Variants in ZBTB20 observed in about 807,000 individuals in gnomAD.
ZBTB20 encodes zinc finger and BTB domain-containing protein 20.
Under a neutral mutation model 56.9 loss-of-function variants are expected in ZBTB20, and 9 were observed. That is an observed-to-expected ratio of 0.16 (90% CI 0.10 to 0.28). The LOEUF is 0.28. Ranked by LOEUF, ZBTB20 falls within the 10% of genes least tolerant of loss-of-function variation. The probability of loss-of-function intolerance (pLI) is 1.00; values close to 1 mark genes in which losing one functional copy is unlikely to be tolerated. For synonymous variants in ZBTB20, 417 were observed against 420.7 expected (o/e 0.99, Z 0.11); for missense variants, 655 against 1,003.0 (o/e 0.65, Z 4.69).
At chr3:114,935,717 A>C (rs2076510552) in intron 3 of ZBTB20, among the ~76,000 whole-genome samples, 1 of 152,168 alleles carries the variant, frequency 6.6e-6, no homozygotes, top group African/African-American at 2.4e-5. Flanking sequence ...CTCCATCTTC[A>C]ATCTGGCATA....
At chr3:115,128,753 A>C in intron 1 of ZBTB20, among the ~76,000 whole-genome samples, 1 of 21,206 alleles carries the variant, frequency 4.7e-5, no homozygotes, top group African/African-American at 1.8e-4. Context: ...AGGGGAGGGG[A>C]GGGGAGGGAA....
intron 6 of ZBTB20, among the ~76,000 whole-genome samples, chr3:114,635,712 C>T (rs191458724): frequency 7.9e-5 from 12 of 151,748 alleles, no homozygotes; most frequent in Middle Eastern, 3.4e-3. Flanking sequence ...AAGAAAGAAA[C>T]AGTGAACATA....
intron 2 of ZBTB20, among the ~76,000 whole-genome samples, chr3:114,994,673 C>T (rs185612032): frequency 2.1e-3 from 326 of 152,080 alleles, no homozygotes; most frequent in Non-Finnish European, 4.0e-3. Flanking sequence ...GCCTGTCAGG[C>T]ACTGCACAAC....
intron 2 of ZBTB20, among the ~76,000 whole-genome samples, chr3:115,036,939 T>A (rs2080949716): frequency 6.6e-6 from 1 of 152,142 alleles, no homozygotes; most frequent in South Asian, 2.1e-4. Context: ...CATTCTAAAA[T>A]ATAATTTAGT....
intron 10 of ZBTB20, among the ~76,000 whole-genome samples, chr3:114,378,706 A>G (rs1576472184): frequency 6.6e-6 from 1 of 152,370 alleles, no homozygotes; most frequent in African/African-American, 2.4e-5. Context: ...TCACCACAGG[A>G]ACGGGCTATT....
intron 1 of ZBTB20, among the ~76,000 whole-genome samples, chr3:115,075,479 T>G (rs1188123142): frequency 1.3e-5 from 2 of 152,174 alleles, no homozygotes; most frequent in East Asian, 3.8e-4. Context: ...AAAGACTGAA[T>G]AATATTCCAC....
intron 1 of ZBTB20, among the ~76,000 whole-genome samples, chr3:115,137,584 TA>T (rs1210884217): frequency 6.6e-6 from 1 of 152,060 alleles, no homozygotes; most frequent in Non-Finnish European, 1.5e-5. Flanking sequence ...TTAAAGTACA[TA>T]ATAAAAGTCT....
intron 4 of ZBTB20, among the ~76,000 whole-genome samples, chr3:114,827,465 C>T (rs535661946): frequency 2.0e-5 from 3 of 151,660 alleles, no homozygotes; most frequent in Non-Finnish European, 4.4e-5. Flanking sequence ...TATTTTAACA[C>T]GGTAGGCTGA....
intron 2 of ZBTB20, among the ~76,000 whole-genome samples, chr3:115,028,067 A>C (rs1346852836): frequency 6.6e-6 from 1 of 150,824 alleles, no homozygotes; most frequent in African/African-American, 2.4e-5. Flanking sequence ...ATTTTTCAAG[A>C]ATACATGTAT....
chr3:114,481,555 A>G (rs1221097793), intron 7 of ZBTB20, among the ~76,000 whole-genome samples: 2 of 151,998 alleles, frequency 1.3e-5, no homozygotes, highest in Admixed American at 6.6e-5. Context: ...CCTGACTGTT[A>G]GGCCTTCTCT....
chr3:114,624,003 T>G (rs1453770471), intron 6 of ZBTB20: 1 of 152,240 alleles, frequency 6.6e-6, no homozygotes, highest in East Asian at 1.9e-4. Context: ...TAGTATTTCT[T>G]TAATTGTATT....
At chr3:114,463,567 T>C (rs1232644019) in intron 7 of ZBTB20, among the ~76,000 whole-genome samples, 1 of 152,196 alleles carries the variant, frequency 6.6e-6, no homozygotes, top group African/African-American at 2.4e-5. Context: ...ACTATAACAC[T>C]GAAGAAAACA....
chr3:114,643,483 T>C (rs1239471491), intron 6 of ZBTB20, among the ~76,000 whole-genome samples: 2 of 152,120 alleles, frequency 1.3e-5, no homozygotes, highest in African/African-American at 2.4e-5. Context: ...AAATGATCCC[T>C]TTGTAGTTTA....
chr3:114,687,474 G>C (rs2062411180), intron 6 of ZBTB20: 1 of 152,126 alleles, frequency 6.6e-6, no homozygotes, highest in Non-Finnish European at 1.5e-5. Flanking sequence ...AAGATCACCA[G>C]TTGACAACCA....
chr3:115,135,473 T>C (rs897674789), intron 1 of ZBTB20, among the ~76,000 whole-genome samples: 1 of 152,172 alleles, frequency 6.6e-6, no homozygotes, highest in Non-Finnish European at 1.5e-5. Flanking sequence ...AATCGTGAAA[T>C]ACACTCCAGC....
chr3:114,927,129 C>G (rs1292684032), intron 3 of ZBTB20, among the ~76,000 whole-genome samples: 1 of 152,194 alleles, frequency 6.6e-6, no homozygotes, highest in Non-Finnish European at 1.5e-5. Context: ...TCAAAGTCAT[C>G]CCTCTGCTCA....
intron 2 of ZBTB20, among the ~76,000 whole-genome samples, chr3:115,064,221 C>T (rs1448571947): frequency 6.6e-6 from 1 of 152,106 alleles, no homozygotes; most frequent in African/African-American, 2.4e-5. Context: ...TTTCTCACCT[C>T]ATTTTAATCA....
At chr3:114,791,378 A>C (rs1179005069) in intron 5 of ZBTB20, among the ~76,000 whole-genome samples, 1 of 152,188 alleles carries the variant, frequency 6.6e-6, no homozygotes, top group African/African-American at 2.4e-5. Context: ...ATCTTCTAAA[A>C]GGCTTGTGAC....
intron 5 of ZBTB20, among the ~76,000 whole-genome samples, chr3:114,767,905 C>A (rs960138027): frequency 6.6e-6 from 1 of 152,036 alleles, no homozygotes; most frequent in African/African-American, 2.4e-5. Flanking sequence ...AACTTATCAA[C>A]CTTCTCTCCA....
Sources: gnomAD v4.1 joint callset for allele counts (sites outside exome capture counted in the v4.1 genomes callset) on GRCh38, gnomAD v4.1.1 for gene constraint, MANE v1.5 for transcripts, NCBI Gene and HGNC (gene_info 2026-07-23, HGNC 2026-07-21) for gene names.